JPH1: variants seen among roughly 807,000 people sequenced by gnomAD.
JPH1 encodes the protein junctophilin 1.
In JPH1, 12 loss-of-function variants were observed where a neutral mutation model predicts 53.6. The observed-to-expected ratio is 0.22, with a 90% confidence interval of 0.14 to 0.36. JPH1 has a LOEUF of 0.36. Ranked by LOEUF, JPH1 falls within the 10% of genes least tolerant of loss-of-function variation. JPH1 has a pLI of 1.00. For missense variants in JPH1, 808 were observed against 905.5 expected (o/e 0.89, Z 1.38); for synonymous variants, 375 against 363.8 (o/e 1.03, Z -0.35).
chr8:74,293,457 C>T (rs1441196104), intron 2 of JPH1, among the ~76,000 whole-genome samples: 1 of 152,170 alleles, frequency 6.6e-6, no homozygotes, highest in African/African-American at 2.4e-5. Flanking sequence ...GCCCATTTTA[C>T]AGATGGGGAA....
chr8:74,238,643 T>C (rs1293840230), intron 4 of JPH1, among the ~76,000 whole-genome samples: 4 of 152,174 alleles, frequency 2.6e-5, no homozygotes, highest in Admixed American at 1.3e-4. Flanking sequence ...CCAGCACATT[T>C]CCAAGTGCCG....
intron 2 of JPH1, among the ~76,000 whole-genome samples, chr8:74,287,907 A>C (rs559494044): frequency 5.9e-5 from 9 of 152,306 alleles, no homozygotes; most frequent in Admixed American, 4.6e-4. Flanking sequence ...AACTAAAGAG[A>C]AAACATCTAT....
intron 3 of JPH1, among the ~76,000 whole-genome samples, chr8:74,252,121 G>A (rs1806084124): frequency 6.6e-6 from 1 of 152,190 alleles, no homozygotes; most frequent in African/African-American, 2.4e-5. Context: ...CTAGCCATAT[G>A]TAGAAAGCTG....
chr8:74,315,033 C>A lies in JPH1; in HGVS notation c.967G>T (p.Asp323Tyr). 6.2e-7 allele frequency: 1 copy of A among 1,614,212 alleles called. No individual in the cohort carries two copies. The highest frequency in any genetic ancestry group is 1.1e-5 in the South Asian group (1 of 91,086). Residue 323 changes from aspartate (D) to tyrosine (Y), a missense_variant, in exon 2 of 6, where the codon GAC (aspartate) becomes TAC (tyrosine). By Grantham distance (160) the Asp-to-Tyr change is radical. Coordinates refer to ENST00000342232, the MANE Select transcript of JPH1 (RefSeq NM_020647.4). The surrounding 1 kb of genome is among the most constrained non-coding windows in gnomAD (Gnocchi z 6.3). ...TATTTTCCCTCTTCTTTGGAGCCGT[C>A]AGGAAACACGGTACAGCCATATCCA... is the stretch of plus-strand genomic sequence containing the variant. ...RHGYGCTVFP[D>Y]GSKEEGKYKN... is the part of the protein sequence containing the mutation.
intron 4 of JPH1, among the ~76,000 whole-genome samples, chr8:74,238,915 C>T (rs984475354): frequency 6.6e-6 from 1 of 152,188 alleles, no homozygotes; most frequent in African/African-American, 2.4e-5. Flanking sequence ...ACCTTGGCCT[C>T]CCAAAGTGCT....
At chr8:74,250,900 A>G (rs943327483) in intron 3 of JPH1, among the ~76,000 whole-genome samples, 1 of 152,206 alleles carries the variant, frequency 6.6e-6, no homozygotes, top group Admixed American at 6.5e-5. Flanking sequence ...AATGTCACAT[A>G]GGTCAGGGGA....
rs969092743 is a variant in JPH1, at chr8:74,321,445, C to G, written c.-158G>C. The G allele has an allele frequency of 2.1e-5, 13 of 628,784 alleles. No homozygotes were observed. The highest frequency in any genetic ancestry group is 1.3e-4 in the Admixed American group (3 of 23,006). 39.0% of individuals were successfully genotyped at this position (628,784 alleles called of 1,614,324 possible). Reference sequence around the variant, plus strand: ...CTCGGCTCCAGTCCGACGCCGCCCCCGTCCTCCCTCCTCTTTTGCCGCCGC... The same window carrying G: ...CTCGGCTCCAGTCCGACGCCGCCCCGGTCCTCCCTCCTCTTTTGCCGCCGC... On this transcript the variant is annotated 5_prime_UTR_variant, in exon 1 of 6. Coordinates refer to ENST00000342232, the MANE Select transcript of JPH1 (RefSeq NM_020647.4). The surrounding 1 kb of genome is among the most constrained non-coding windows in gnomAD (Gnocchi z 4.3).
intron 2 of JPH1, among the ~76,000 whole-genome samples, chr8:74,312,886 A>G (rs1346121442): frequency 6.6e-6 from 1 of 152,214 alleles, no homozygotes; most frequent in African/African-American, 2.4e-5. Flanking sequence ...GGCTAAAAGT[A>G]TAAGGTCTTA....
intron 3 of JPH1, among the ~76,000 whole-genome samples, chr8:74,255,139 A>T (rs1806181212): frequency 6.6e-6 from 1 of 152,160 alleles, no homozygotes; most frequent in Admixed American, 6.5e-5. Context: ...ACCTGACTTC[A>T]AACTATACTA....
intron 1 of JPH1, among the ~76,000 whole-genome samples, chr8:74,317,899 C>A (rs958481899): frequency 1.3e-5 from 2 of 152,010 alleles, no homozygotes; most frequent in Admixed American, 6.6e-5. Context: ...CTGTTTAAGG[C>A]AACAGCAATA....
Position 74,314,934 on chromosome 8 carries a change from C to T in JPH1, c.1066G>A (p.Val356Met). 2 of 1,614,218 alleles carry T rather than the reference C, an allele frequency of 1.2e-6. No homozygotes were observed. Among genetic ancestry groups the T allele is most frequent in the South Asian group, 1.1e-5 (1 of 91,086 alleles). Reference sequence around the variant, plus strand: ...TGGGCGCCTTCAATTGCTCTGTCCACCTTCTCCCTAGTTTTTGTATGTCTT... The same window carrying T: ...TGGGCGCCTTCAATTGCTCTGTCCATCTTCTCCCTAGTTTTTGTATGTCTT... ...PIRHTKTREKVDRAIEGAQRA... is the reference protein window; with the variant it reads ...PIRHTKTREKMDRAIEGAQRA... Residue 356 changes from valine (V) to methionine (M), a missense_variant, in exon 2 of 6, where the codon GTG (valine) becomes ATG (methionine). Transcript: ENST00000342232.
chr8:74,245,336 A>ATAATAAATAATTTTAAG (rs1243209019), intron 3 of JPH1, among the ~76,000 whole-genome samples, 161 bp from the exon 4 acceptor site: 2 of 152,210 alleles, frequency 1.3e-5, no homozygotes, highest in Non-Finnish European at 1.5e-5. Flanking sequence ...TATTATGGAA[A>ATAATAAATAATTTTAAG]GGCTGCTTTT....
chr8:74,248,094 T>C (rs1805914996), intron 3 of JPH1, among the ~76,000 whole-genome samples: 1 of 152,240 alleles, frequency 6.6e-6, no homozygotes, highest in South Asian at 2.1e-4. Context: ...AGAAATCTGA[T>C]GTGTCACCTC....
intron 4 of JPH1, 73 bp from the exon 5 acceptor site, chr8:74,237,376 T>C: frequency 1.7e-6 from 2 of 1,187,678 alleles, no homozygotes; most frequent in Non-Finnish European, 2.5e-6. Flanking sequence ...AGCCAATTAC[T>C]GAAAAAATGA....
chr8:74,262,145 A>G (rs1304501672), intron 2 of JPH1, among the ~76,000 whole-genome samples: 1 of 152,210 alleles, frequency 6.6e-6, no homozygotes, highest in South Asian at 2.1e-4. Flanking sequence ...TCAAGACCAC[A>G]TTCAAACCTG....
intron 3 of JPH1, among the ~76,000 whole-genome samples, chr8:74,255,722 G>A (rs1370432997): frequency 6.6e-6 from 1 of 152,156 alleles, no homozygotes; most frequent in East Asian, 1.9e-4. Context: ...CCATCAAAAA[G>A]TGGGTGAAGG....
At chr8:74,264,516 A>T (rs2131398903) in intron 2 of JPH1, among the ~76,000 whole-genome samples, 1 of 152,354 alleles carries the variant, frequency 6.6e-6, no homozygotes, top group South Asian at 2.1e-4. Context: ...TCTAAATAAT[A>T]TAAAATGTAA....
Position 74,237,008 on chromosome 8 carries a change from T to C in JPH1, c.*43A>G. On this transcript the variant is annotated 3_prime_UTR_variant, in exon 6 of 6. Coordinates refer to ENST00000342232, the MANE Select transcript of JPH1 (RefSeq NM_020647.4). ...GGCACCACTGCAGAGAACTGTGGGC[T>C]AACACACCACTAGTTGTCAGGACTT... 2 of 509,404 alleles carry C rather than the reference T, an allele frequency of 3.9e-6. No individual in the cohort carries two copies. Among genetic ancestry groups the C allele is most frequent in the Non-Finnish European group, 3.5e-6 (1 of 284,534 alleles). 31.6% of individuals were successfully genotyped at this position (509,404 alleles called of 1,614,324 possible).
At chr8:74,282,276 C>G (rs114731125) in intron 2 of JPH1, among the ~76,000 whole-genome samples, 3,519 of 152,246 alleles carry the variant, frequency 0.023, 140 homozygotes, top group African/African-American at 0.072. Context: ...TGCATGCCTA[C>G]TAGTCTAGAC....
Sources: allele counts gnomAD v4.1 joint callset (sites outside exome capture counted in the v4.1 genomes callset), GRCh38; gene constraint gnomAD v4.1.1; non-coding constraint Gnocchi (gnomAD v3.1); transcripts MANE v1.5; gene names NCBI Gene and HGNC (gene_info 2026-07-23, HGNC 2026-07-21).